Variants in TCF7L2 observed in about 807,000 individuals in gnomAD.
The protein encoded by TCF7L2 is transcription factor 7 like 2.
A neutral mutation model predicts 77.9 loss-of-function variants in TCF7L2; 23 were observed. The observed-to-expected ratio is 0.30, with a 90% CI of 0.21 to 0.42. TCF7L2 has a LOEUF of 0.42. TCF7L2 is among the 10% of genes least tolerant of loss of function. The pLI is 1.00. For synonymous variants in TCF7L2, 413 were observed against 340.2 expected (o/e 1.21, Z -2.36); for missense variants, 654 against 793.1 (o/e 0.82, Z 2.11).
intron 5 of TCF7L2, chr10:113,133,429 T>C (rs1331874794): frequency 6.6e-6 from 1 of 152,178 alleles, no homozygotes; most frequent in Non-Finnish European, 1.5e-5. Flanking sequence ...CTTTTGAGGA[T>C]AGAGAAAAGG....
In TCF7L2 at chr10:112,966,458, G is replaced by A. The variant is rs114306930; in HGVS notation, c.450+1834G>A. ...GCTTTAGGTGCGGGACTTGGTTAGA[G>A]AACAAGCCCAAACCCTAACTCCTGG... On this transcript the variant is annotated intron_variant, in intron 4 of 13. Coordinates refer to ENST00000627217, the MANE Select transcript of TCF7L2 (RefSeq NM_001146274.2). Among the ~76,000 whole-genome samples the A allele has an allele frequency of 3.9e-3, 587 of 152,098 alleles. 4 individuals are homozygous for A. Among genetic ancestry groups the A allele is most frequent in the African/African-American group, 0.013 (555 of 41,450 alleles).
At chr10:113,002,173 G>T (rs2044607702) in intron 4 of TCF7L2, among the ~76,000 whole-genome samples, 1 of 152,198 alleles carries the variant, frequency 6.6e-6, no homozygotes, top group African/African-American at 2.4e-5. Context: ...TCATACAAAG[G>T]TATCAAAGTG....
chr10:113,121,073 G>A (rs1407656158), intron 5 of TCF7L2, among the ~76,000 whole-genome samples: 1 of 152,162 alleles, frequency 6.6e-6, no homozygotes, highest in Non-Finnish European at 1.5e-5. Flanking sequence ...AAAATGGGGG[G>A]AAAAGGGATT....
chr10:113,118,148 G>T (rs569537429), intron 5 of TCF7L2, among the ~76,000 whole-genome samples: 1 of 152,260 alleles, frequency 6.6e-6, no homozygotes, highest in East Asian at 1.9e-4. Flanking sequence ...TTTCTGGCCA[G>T]GGGAGAACCC....
In TCF7L2 at chr10:113,151,052, G is replaced by T; in HGVS notation, c.930G>T (p.Pro310=). The T allele has an allele frequency of 6.2e-7, 1 of 1,613,998 alleles. No individual in the cohort carries two copies. The highest frequency in any genetic ancestry group is 1.1e-5 in the South Asian group (1 of 91,074). ...ATACGCTACACACGACGGGCATTCC[G>T]CATCCGGCCATAGTCACACCAACAG... is the stretch of plus-strand genomic sequence containing the variant. The change falls in exon 9 of 14, where the codon CCG becomes CCT. Residue 310 remains proline (P), a synonymous_variant. Transcript: ENST00000627217. The surrounding 1 kb of genome is among the most constrained non-coding windows in gnomAD (Gnocchi z 5.2).
At chr10:113,109,092 A>G (rs1021474526) in intron 5 of TCF7L2, among the ~76,000 whole-genome samples, 1 of 152,216 alleles carries the variant, frequency 6.6e-6, no homozygotes, top group Non-Finnish European at 1.5e-5. Flanking sequence ...TGGGCCACAT[A>G]ACGTAATGTG....
intron 5 of TCF7L2, among the ~76,000 whole-genome samples, chr10:113,111,748 C>T (rs910053329): frequency 6.6e-6 from 1 of 151,892 alleles, no homozygotes; most frequent in African/African-American, 2.4e-5. Flanking sequence ...GCTGTGATCA[C>T]GCCACTGCAC....
At chr10:112,968,412 A>C (rs531352913) in intron 4 of TCF7L2, among the ~76,000 whole-genome samples, 1 of 152,144 alleles carries the variant, frequency 6.6e-6, no homozygotes, top group Non-Finnish European at 1.5e-5. Context: ...TGTTTTCTTT[A>C]TGATTTTCCT....
intron 4 of TCF7L2, among the ~76,000 whole-genome samples, chr10:113,008,483 G>T (rs2045945340): frequency 6.6e-6 from 1 of 152,174 alleles, no homozygotes; most frequent in South Asian, 2.1e-4. Context: ...ATTCTTTAGT[G>T]TGGCTTCTCA....
At chr10:113,153,235 T>C (rs535098049) in intron 11 of TCF7L2, among the ~76,000 whole-genome samples, 2 of 152,388 alleles carry the variant, frequency 1.3e-5, no homozygotes, top group Admixed American at 6.5e-5. Context: ...GAGACTTCTG[T>C]CACTTCTCAC....
At chr10:112,987,461 T>A (rs1564748327) in intron 4 of TCF7L2, 1 of 146,298 alleles carries the variant, frequency 6.8e-6, no homozygotes, top group Non-Finnish European at 1.5e-5. Flanking sequence ...AATAAACAAA[T>A]CTCCTTTTAC....
chr10:113,037,014 A>G (rs1362610679), intron 4 of TCF7L2, among the ~76,000 whole-genome samples: 2 of 152,062 alleles, frequency 1.3e-5, no homozygotes, highest in Non-Finnish European at 1.5e-5. Flanking sequence ...ACAGAATAGA[A>G]ATTCCTGCTG....
intron 5 of TCF7L2, among the ~76,000 whole-genome samples, chr10:113,092,730 G>T (rs2060526540): frequency 6.6e-6 from 1 of 152,168 alleles, no homozygotes; most frequent in Non-Finnish European, 1.5e-5. Context: ...CAGGCGTGGT[G>T]GCACATGCCT....
chr10:112,983,753 G>A (rs1052815157), intron 4 of TCF7L2, among the ~76,000 whole-genome samples: 1 of 152,154 alleles, frequency 6.6e-6, no homozygotes, highest in African/African-American at 2.4e-5. Context: ...AGGGTCCCTG[G>A]GTGCCTGTGT....
chr10:112,973,323 G>A (rs1177495324), intron 4 of TCF7L2, among the ~76,000 whole-genome samples: 1 of 152,172 alleles, frequency 6.6e-6, no homozygotes, highest in Non-Finnish European at 1.5e-5. Context: ...AGCTTGGACT[G>A]TTAGGTTATA....
chr10:113,153,295 G>A (rs1287383274), intron 11 of TCF7L2, among the ~76,000 whole-genome samples: 3 of 152,148 alleles, frequency 2.0e-5, no homozygotes, highest in Non-Finnish European at 2.9e-5. Context: ...TTCCTCTCTC[G>A]AGGGATGAAA....
At chr10:112,973,939 A>C (rs561288497) in intron 4 of TCF7L2, among the ~76,000 whole-genome samples, 1 of 152,160 alleles carries the variant, frequency 6.6e-6, no homozygotes, top group East Asian at 1.9e-4. Context: ...GCCCAGGCTG[A>C]TACAGTCCAT....
intron 3 of TCF7L2, among the ~76,000 whole-genome samples, chr10:112,961,876 C>T (rs61875104): frequency 0.012 from 1,830 of 149,798 alleles, 13 homozygotes; most frequent in African/African-American, 0.023. Flanking sequence ...TGTCTGTGGG[C>T]GCTCGCGTGT....
In TCF7L2 at chr10:113,003,532, A is replaced by G. The variant is rs184238538; in HGVS notation, c.451-36493A>G. Reference sequence around the variant, plus strand: ...CCTGCCCTCTCTTATCCTGTTTCCCAGCCCGCATCATGTTATCTTTGCTTC... The same window carrying G: ...CCTGCCCTCTCTTATCCTGTTTCCCGGCCCGCATCATGTTATCTTTGCTTC... On this transcript the variant is annotated intron_variant, in intron 4 of 13. Transcript: ENST00000627217. Among the ~76,000 whole-genome samples the G allele has an allele frequency of 1.9e-3, 282 of 152,230 alleles. 1 individual carries two copies. Among genetic ancestry groups the G allele is most frequent in the Non-Finnish European group, 3.1e-3 (209 of 68,012 alleles).
Sources: allele counts gnomAD v4.1 joint callset (sites outside exome capture counted in the v4.1 genomes callset), GRCh38; gene constraint gnomAD v4.1.1; non-coding constraint Gnocchi (gnomAD v3.1); transcripts MANE v1.5; gene names NCBI Gene and HGNC (gene_info 2026-07-23, HGNC 2026-07-21).